SMIM36: variants seen among roughly 807,000 people sequenced by gnomAD.
The protein encoded by SMIM36 is small integral membrane protein 36.
chr17:55,478,058 T>A (rs998317060), intron 3 of SMIM36, among the ~76,000 whole-genome samples: 3 of 151,994 alleles, frequency 2.0e-5, no homozygotes, highest in African/African-American at 7.2e-5. Flanking sequence ...TAGCTGGGTA[T>A]GATGGTATGC....
At chr17:55,501,542 C>T (rs1909980583) in intron 1 of SMIM36, among the ~76,000 whole-genome samples, 1 of 108,642 alleles carries the variant, frequency 9.2e-6, no homozygotes, top group South Asian at 2.5e-4. Context: ...TAATTATATA[C>T]AATATTATAT....
At chr17:55,460,254 C>G (rs932908214) in intron 4 of SMIM36, among the ~76,000 whole-genome samples, 2 of 151,700 alleles carry the variant, frequency 1.3e-5, no homozygotes, top group South Asian at 4.2e-4. Context: ...ATGGTGAAAC[C>G]CTGTCTCTAC....
At chr17:55,455,837 G>T (rs1201266790) in intron 4 of SMIM36, among the ~76,000 whole-genome samples, 1 of 151,642 alleles carries the variant, frequency 6.6e-6, no homozygotes, top group Non-Finnish European at 1.5e-5. Flanking sequence ...AAAAAAACAT[G>T]CTGGGTGCGG....
chr17:55,515,250 C>T (rs1393093178), upstream of SMIM36, among the ~76,000 whole-genome samples: 1 of 152,054 alleles, frequency 6.6e-6, no homozygotes, highest in Non-Finnish European at 1.5e-5. Context: ...ACTTGTCCCT[C>T]AAATTTATGC....
chr17:55,471,037 C>T (rs1190649467), intron 3 of SMIM36, among the ~76,000 whole-genome samples: 1 of 152,010 alleles, frequency 6.6e-6, no homozygotes, highest in African/African-American at 2.4e-5. Context: ...ATCCGTACAC[C>T]CTCCTATCTT....
intron 3 of SMIM36, among the ~76,000 whole-genome samples, chr17:55,471,501 C>A (rs1909341131): frequency 6.6e-6 from 1 of 152,120 alleles, no homozygotes; most frequent in African/African-American, 2.4e-5. Context: ...ATCTCCCAGA[C>A]CCCAATCCCC....
At chr17:55,531,415 T>C in the SMIM36 span, among the ~76,000 whole-genome samples, 4 of 152,188 alleles carry the variant, frequency 2.6e-5, no homozygotes, top group Non-Finnish European at 4.4e-5. Flanking sequence ...GCCTGGTGTA[T>C]ATACCGGCTT....
chr17:55,517,499 G>T, the SMIM36 span, among the ~76,000 whole-genome samples: 1 of 152,194 alleles, frequency 6.6e-6, no homozygotes, highest in Non-Finnish European at 1.5e-5. Context: ...GGAGGTGAAG[G>T]CTGCAGTGAG....
intron 3 of SMIM36, among the ~76,000 whole-genome samples, chr17:55,474,353 G>A (rs868434058): frequency 3.3e-5 from 5 of 152,120 alleles, no homozygotes; most frequent in East Asian, 1.9e-4. Context: ...CTTGAGTGAT[G>A]CGGATCCTGA....
chr17:55,452,988 G>T (rs1231039217), intron 4 of SMIM36, among the ~76,000 whole-genome samples: 3 of 152,208 alleles, frequency 2.0e-5, no homozygotes, highest in Non-Finnish European at 4.4e-5. Context: ...TTTCTCTGAA[G>T]TACACCACCT....
chr17:55,494,507 C>T (rs1415998129), intron 1 of SMIM36, among the ~76,000 whole-genome samples: 1 of 152,206 alleles, frequency 6.6e-6, no homozygotes, highest in East Asian at 1.9e-4. Context: ...GTGGATTATG[C>T]CCATTACACA....
At chr17:55,462,559 C>T (rs1387283161) in intron 4 of SMIM36, among the ~76,000 whole-genome samples, 1 of 152,128 alleles carries the variant, frequency 6.6e-6, no homozygotes, top group Non-Finnish European at 1.5e-5. Flanking sequence ...TGAGCTATGA[C>T]AGAACCACTG....
At chr17:55,458,013 G>A (rs1194869857) in intron 4 of SMIM36, among the ~76,000 whole-genome samples, 1 of 152,032 alleles carries the variant, frequency 6.6e-6, no homozygotes, top group Non-Finnish European at 1.5e-5. Flanking sequence ...TGTGCTCTCC[G>A]CTTTTAGAGT....
chr17:55,529,339 C>G, the SMIM36 span, among the ~76,000 whole-genome samples: 5 of 152,140 alleles, frequency 3.3e-5, no homozygotes, highest in African/African-American at 1.2e-4. Context: ...ACTATATATC[C>G]AGGCTGGGAG....
At chr17:55,462,894 G>A (rs890520723) in intron 4 of SMIM36, among the ~76,000 whole-genome samples, 3 of 152,132 alleles carry the variant, frequency 2.0e-5, no homozygotes, top group African/African-American at 7.2e-5. Context: ...AGGAATGATA[G>A]AAGACTCCTC....
intron 1 of SMIM36, among the ~76,000 whole-genome samples, chr17:55,491,169 G>T (rs1469731646): frequency 2.0e-5 from 3 of 149,498 alleles, no homozygotes; most frequent in Non-Finnish European, 4.4e-5. Context: ...TTGAGCCTGG[G>T]AGGTTGAGGC....
chr17:55,489,449 C>T lies in SMIM36; in HGVS notation c.*175-9869G>A, dbSNP rs567722954. On this transcript the variant is annotated intron_variant, in intron 1 of 4. Transcript: ENST00000636752. ...AAAAAAGGAAGAAAAATAATTTCTC[C>T]ATCTTCAAACCGCATTATCTGTGAA... Among the ~76,000 whole-genome samples, 91 of 152,194 alleles carry T rather than the reference C, an allele frequency of 6.0e-4. 2 individuals are homozygous for T. Among genetic ancestry groups the T allele is most frequent in the Non-Finnish European group, 1.2e-3 (85 of 68,002 alleles).
At chr17:55,491,247 C>CAAAAAA (rs1206937453) in intron 1 of SMIM36, among the ~76,000 whole-genome samples, 2 of 52,916 alleles carry the variant, frequency 3.8e-5, no homozygotes, top group African/African-American at 7.0e-5. Context: ...GTCTCCTCAC[C>CAAAAAA]AAAAAAAAAA....
intron 4 of SMIM36, among the ~76,000 whole-genome samples, chr17:55,466,617 G>A (rs775959535): frequency 1.3e-5 from 2 of 152,162 alleles, no homozygotes; most frequent in South Asian, 2.1e-4. Flanking sequence ...TCTTCATTTC[G>A]GAGCTCCTCT....
Sources: gnomAD v4.1 joint callset for allele counts (sites outside exome capture counted in the v4.1 genomes callset) on GRCh38, gnomAD v4.1.1 for gene constraint, MANE v1.5 for transcripts, NCBI Gene and HGNC (gene_info 2026-07-23, HGNC 2026-07-21) for gene names.